SORCS1: variants seen among roughly 807,000 people sequenced by gnomAD.
SORCS1 encodes sortilin related VPS10 domain containing receptor 1, also known as VPS10 domain-containing receptor SorCS1.
A neutral mutation model predicts 146.1 loss-of-function variants in SORCS1; 60 were observed. The observed-to-expected ratio is 0.41, with a 90% confidence interval of 0.33 to 0.51. The LOEUF is 0.51. Ranked by LOEUF, SORCS1 falls within the 20% of genes least tolerant of loss-of-function variation. The pLI, the probability that SORCS1 is intolerant of heterozygous loss-of-function variation, is 0.21. For missense variants in SORCS1, 1,352 were observed against 1,487.6 expected, an observed-to-expected ratio of 0.91 and a Z score of 1.50; for synonymous variants, 637 against 584.0, an observed-to-expected ratio of 1.09 and a Z score of -1.31.
intron 5 of SORCS1, among the ~76,000 whole-genome samples, chr10:106,741,251 G>A (rs1015226987): frequency 4.0e-5 from 6 of 151,174 alleles, no homozygotes; most frequent in Admixed American, 3.9e-4. Flanking sequence ...ACCCCTTAGT[G>A]TCTGAGGCAA....
intron 2 of SORCS1, among the ~76,000 whole-genome samples, chr10:106,876,400 G>A (rs1052581632): frequency 6.6e-6 from 1 of 152,090 alleles, no homozygotes; most frequent in Non-Finnish European, 1.5e-5. Flanking sequence ...CAACAATTGC[G>A]ATGTGAAATG....
chr10:106,966,775 G>T (rs1389893184), intron 1 of SORCS1, among the ~76,000 whole-genome samples: 6 of 152,180 alleles, frequency 3.9e-5, no homozygotes, highest in African/African-American at 1.4e-4. Context: ...CACCTGAGTT[G>T]CAGGACTCTT....
chr10:106,627,241 G>T lies in SORCS1; in HGVS notation c.2662+1961C>A, dbSNP rs535159128. Among the ~76,000 whole-genome samples, 18 of 152,264 alleles carry T rather than the reference G, an allele frequency of 1.2e-4. No homozygotes were observed. The South Asian group carries it at 1.5e-3, about 12-fold the overall frequency. ...GTGACAAGGAGGTGAAGCTATGGAA[G>T]ATTTAATGGGAGACCCTGAAAAATT... On this transcript the variant is annotated intron_variant, in intron 19 of 25. Transcript: ENST00000263054.
intron 23 of SORCS1, among the ~76,000 whole-genome samples, chr10:106,599,410 G>GGAAGGA (rs1175465829): frequency 6.6e-6 from 1 of 151,316 alleles, no homozygotes; most frequent in African/African-American, 2.4e-5. Context: ...GAAGGGGAGG[G>GGAAGGA]GAAGGAGAAG....
At chr10:107,146,647 A>G (rs1355537864) in intron 1 of SORCS1, among the ~76,000 whole-genome samples, 1 of 152,178 alleles carries the variant, frequency 6.6e-6, no homozygotes, top group Non-Finnish European at 1.5e-5. Context: ...GATATGTCAT[A>G]GCGTCCTAAA....
At chr10:106,955,945 T>G (rs1343267456) in intron 2 of SORCS1, among the ~76,000 whole-genome samples, 1 of 151,894 alleles carries the variant, frequency 6.6e-6, no homozygotes, top group Non-Finnish European at 1.5e-5. Flanking sequence ...CTGACCAAGA[T>G]GGAGAAACCC....
chr10:106,714,939 C>T (rs1454285048), intron 6 of SORCS1, among the ~76,000 whole-genome samples: 2 of 152,130 alleles, frequency 1.3e-5, no homozygotes, highest in East Asian at 1.9e-4. Flanking sequence ...AGAAAAGCCC[C>T]GGAAGAGGTC....
At chr10:107,048,965 GCAGA>G (rs1959807899) in intron 1 of SORCS1, among the ~76,000 whole-genome samples, 1 of 152,028 alleles carries the variant, frequency 6.6e-6, no homozygotes, top group South Asian at 2.1e-4. Context: ...TGAGAGAGAA[GCAGA>G]CAATTATTGC....
At chr10:106,998,652 C>T (rs1212002065) in intron 1 of SORCS1, among the ~76,000 whole-genome samples, 1 of 152,200 alleles carries the variant, frequency 6.6e-6, no homozygotes, top group Non-Finnish European at 1.5e-5. Flanking sequence ...GGGCAGAATG[C>T]CATCCCCTTT....
At chr10:106,970,884 A>C (rs1206848706) in intron 1 of SORCS1, among the ~76,000 whole-genome samples, 4 of 140,936 alleles carry the variant, frequency 2.8e-5, no homozygotes, top group Admixed American at 1.5e-4. Context: ...GATTACAGGC[A>C]CCCGCCACCA....
intron 2 of SORCS1, among the ~76,000 whole-genome samples, chr10:106,831,992 G>T (rs1395438057): frequency 6.6e-6 from 1 of 152,126 alleles, no homozygotes. Context: ...TGATAGTCAA[G>T]AATATTTGAG....
At chr10:106,700,455 AAAACAAAGATTGC>A (rs1250255853) in intron 8 of SORCS1, among the ~76,000 whole-genome samples, 4 of 11,772 alleles carry the variant, frequency 3.4e-4, no homozygotes, top group African/African-American at 4.0e-4. Flanking sequence ...CAAACAAACG[AAAACAAAGATTGC>A]ATATAACCAC....
At chr10:106,744,949 T>C (rs935686301) in intron 5 of SORCS1, among the ~76,000 whole-genome samples, 3 of 152,192 alleles carry the variant, frequency 2.0e-5, no homozygotes, top group Admixed American at 2.0e-4. Flanking sequence ...AAAGTGCATT[T>C]GCTTCTGACG....
At position 106,657,153 on chromosome 10, in the gene SORCS1, A is replaced by G. The variant is rs938527728; in HGVS notation, c.2304-4600T>C. 2.6e-5 allele frequency among the ~76,000 whole-genome samples: 4 copies of G among 152,322 alleles called. No homozygotes were observed. The South Asian group carries it at 6.2e-4, about 24-fold the overall frequency. On this transcript the variant is annotated intron_variant, in intron 17 of 25. Coordinates refer to ENST00000263054, the MANE Select transcript of SORCS1 (RefSeq NM_052918.5). The stretch of plus-strand genomic sequence containing the variant: ...CATTATAGCAAAAAGACACCTGTAC[A>G]TGTATGCTTATCACAGCACAATTCA...
intron 2 of SORCS1, among the ~76,000 whole-genome samples, chr10:106,931,954 TG>T (rs1953443237): frequency 6.6e-6 from 1 of 152,160 alleles, no homozygotes; most frequent in Non-Finnish European, 1.5e-5. Flanking sequence ...AAATATCTCA[TG>T]GGGAAAAACA....
At chr10:106,966,174 TTTGAG>T (rs1159025664) in intron 1 of SORCS1, among the ~76,000 whole-genome samples, 3 of 152,192 alleles carry the variant, frequency 2.0e-5, no homozygotes, top group African/African-American at 7.2e-5. Context: ...TTACACTCTT[TTTGAG>T]TTATCAAAGG....
At chr10:106,732,799 A>T (rs990430939) in intron 5 of SORCS1, among the ~76,000 whole-genome samples, 1 of 152,182 alleles carries the variant, frequency 6.6e-6, no homozygotes, top group African/African-American at 2.4e-5. Context: ...GTTTCCAGTG[A>T]CATCTCCCAC....
intron 2 of SORCS1, among the ~76,000 whole-genome samples, chr10:106,921,107 A>G (rs1006249185): frequency 6.6e-5 from 10 of 152,144 alleles, no homozygotes; most frequent in African/African-American, 2.4e-4. Flanking sequence ...TCAGATCTCA[A>G]TCTACAAACC....
At chr10:107,077,629 T>A (rs76978422) in intron 1 of SORCS1, among the ~76,000 whole-genome samples, 2,062 of 151,036 alleles carry the variant, frequency 0.014, 46 homozygotes, top group African/African-American at 0.047. Context: ...CTCATAAGAA[T>A]CTCTTACATC....
Sources: gnomAD v4.1 joint callset for allele counts (sites outside exome capture counted in the v4.1 genomes callset) on GRCh38, gnomAD v4.1.1 for gene constraint, MANE v1.5 for transcripts, NCBI Gene and HGNC (gene_info 2026-07-23, HGNC 2026-07-21) for gene names.